The following TIAM1 variants were observed in gnomAD, a reference collection of about 807,000 sequenced individuals.
The protein encoded by TIAM1 is TIAM Rac1 associated GEF 1.
A neutral mutation model predicts 163.5 loss-of-function variants in TIAM1; 65 were observed. The observed-to-expected ratio is 0.40, with a 90% confidence interval of 0.33 to 0.49. TIAM1 has a LOEUF of 0.49. TIAM1 is among the 20% of genes least tolerant of loss of function. The probability of loss-of-function intolerance (pLI) is 0.77; values close to 1 mark genes in which losing one functional copy is unlikely to be tolerated. For synonymous variants in TIAM1, 833 were observed against 810.1 expected (o/e 1.03, Z -0.48); for missense variants, 1,789 against 2,044.7 (o/e 0.87, Z 2.41).
At chr21:31,402,217 A>C (rs77823472) in intron 2 of TIAM1, among the ~76,000 whole-genome samples, 1,554 of 152,112 alleles carry the variant, frequency 0.01, 24 homozygotes, top group African/African-American at 0.035. Flanking sequence ...GTCTCAAAAA[A>C]AACAACAACA....
intron 2 of TIAM1, among the ~76,000 whole-genome samples, chr21:31,314,991 GTATT>G (rs1430988736): frequency 6.6e-6 from 1 of 152,168 alleles, no homozygotes; most frequent in East Asian, 1.9e-4. Context: ...CAAGTTTCAC[GTATT>G]TATTTATTTA....
chr21:31,495,908 G>T (rs2046623732), intron 1 of TIAM1, among the ~76,000 whole-genome samples: 1 of 151,996 alleles, frequency 6.6e-6, no homozygotes, highest in South Asian at 2.1e-4. Context: ...GGGGTTGGAG[G>T]TTGCAGTGAG....
chr21:31,148,355 T>G (rs912541419), intron 19 of TIAM1, among the ~76,000 whole-genome samples: 1 of 152,202 alleles, frequency 6.6e-6, no homozygotes, highest in African/African-American at 2.4e-5. Flanking sequence ...GGAGATCTGA[T>G]GGTTTTTATA....
chr21:31,398,942 G>A (rs2147214287), intron 2 of TIAM1, among the ~76,000 whole-genome samples: 1 of 152,326 alleles, frequency 6.6e-6, no homozygotes, highest in East Asian at 1.9e-4. Context: ...TTGGGAGGCT[G>A]AGGCTGGCAG....
At chr21:31,337,002 A>T (rs2075862529) in intron 2 of TIAM1, among the ~76,000 whole-genome samples, 1 of 152,056 alleles carries the variant, frequency 6.6e-6, no homozygotes, top group African/African-American at 2.4e-5. Context: ...AATCCAAGCA[A>T]CCCACCCTGG....
At chr21:31,133,505 G>T (rs1370998770) in intron 23 of TIAM1, among the ~76,000 whole-genome samples, 1 of 152,184 alleles carries the variant, frequency 6.6e-6, no homozygotes, top group Non-Finnish European at 1.5e-5. Flanking sequence ...AGGAGGCAGG[G>T]AACAGAGTAA....
At chr21:31,484,186 G>A (rs1012968597) in intron 1 of TIAM1, among the ~76,000 whole-genome samples, 15 of 152,164 alleles carry the variant, frequency 9.9e-5, no homozygotes, top group Non-Finnish European at 2.2e-4. Context: ...CCAGAACTGT[G>A]TTGTTTACAT....
At chr21:31,292,772 G>T (rs541064834) in intron 2 of TIAM1, among the ~76,000 whole-genome samples, 1 of 151,786 alleles carries the variant, frequency 6.6e-6, no homozygotes, top group South Asian at 2.1e-4. Flanking sequence ...GGGTTCAAGT[G>T]ATTCTCATGC....
chr21:31,394,871 C>T (rs1357935360), intron 2 of TIAM1, among the ~76,000 whole-genome samples: 1 of 152,082 alleles, frequency 6.6e-6, no homozygotes, highest in East Asian at 1.9e-4. Context: ...TGCCCACAGC[C>T]TTGGTTTCTT....
Position 31,258,120 on chromosome 21 carries a change from G to A in TIAM1, c.964-5931C>T, listed in dbSNP as rs554702455. ...CCCTGTCTTTCTTCCACAGCACATC[G>A]CTTCCTTATTATGCTAACTGTTTTC... On this transcript the variant is annotated intron_variant, in intron 4 of 27. Transcript: ENST00000541036. 2.0e-4 allele frequency among the ~76,000 whole-genome samples: 30 copies of A among 150,748 alleles called. No individual in the cohort carries two copies. The East Asian group carries it at 2.5e-3, about 13-fold the overall frequency.
At chr21:31,157,754 G>A (rs1326698584) in intron 16 of TIAM1, among the ~76,000 whole-genome samples, 2 of 152,026 alleles carry the variant, frequency 1.3e-5, no homozygotes, top group African/African-American at 4.8e-5. Context: ...CAAATTCCAC[G>A]CAGACAGTGG....
chr21:31,382,148 G>A (rs185584330), intron 2 of TIAM1, among the ~76,000 whole-genome samples: 6 of 152,290 alleles, frequency 3.9e-5, no homozygotes, highest in African/African-American at 1.2e-4. Flanking sequence ...GGGAAGGAAA[G>A]GAACAAAATG....
chr21:31,523,811 G>A (rs770361038), intron 1 of TIAM1, among the ~76,000 whole-genome samples: 3 of 151,904 alleles, frequency 2.0e-5, no homozygotes, highest in African/African-American at 4.8e-5. Context: ...TCAGCTACCC[G>A]GGAGGCTAAG....
chr21:31,286,107 G>A (rs2073798951), intron 2 of TIAM1, among the ~76,000 whole-genome samples: 1 of 152,114 alleles, frequency 6.6e-6, no homozygotes, highest in South Asian at 2.1e-4. Flanking sequence ...AATTGTAATA[G>A]GATCCTGTGT....
rs1252599556 is a variant in TIAM1 at position 31,251,893 on chromosome 21, C to T, written c.1260G>A (p.Pro420=). ...DEQSSGTLSS[P]GQSDILLTAA... ...CGGTCAGCAGGATGTCCGACTGGCC[C>T]GGAGAGCTCAGGGTGCCGCTGCTCT... is the stretch of plus-strand genomic sequence containing the variant. The change falls in exon 5 of 28, where the codon CCG becomes CCA. Residue 420 remains proline, a synonymous_variant. Transcript: ENST00000541036. The T allele has an allele frequency of 1.9e-6, 3 of 1,613,698 alleles. No individual in the cohort carries two copies. The highest frequency in any genetic ancestry group is 2.5e-6 in the Non-Finnish European group (3 of 1,179,918).
chr21:31,455,416 A>ATT (rs35317787), intron 2 of TIAM1, among the ~76,000 whole-genome samples: 20 of 147,442 alleles, frequency 1.4e-4, no homozygotes, highest in Admixed American at 4.7e-4. Context: ...TTTAATTTTA[A>ATT]TTTTTTTTTT....
intron 5 of TIAM1, among the ~76,000 whole-genome samples, chr21:31,250,990 A>G (rs1036506253): frequency 9.2e-5 from 14 of 152,238 alleles, no homozygotes; most frequent in Non-Finnish European, 1.9e-4. Flanking sequence ...TTTTTCATAA[A>G]CATGATGGTC....
chr21:31,524,264 G>A (rs2047704731), intron 1 of TIAM1, among the ~76,000 whole-genome samples: 2 of 152,150 alleles, frequency 1.3e-5, no homozygotes, highest in African/African-American at 4.8e-5. Context: ...TACTCATGGT[G>A]CAAGGTGAAG....
intron 1 of TIAM1, among the ~76,000 whole-genome samples, chr21:31,517,325 G>A (rs1456408517): frequency 3.3e-5 from 5 of 152,116 alleles, no homozygotes; most frequent in Non-Finnish European, 7.4e-5. Context: ...CTTGAGGCCA[G>A]GAGTTCAAGA....
Sources: allele counts gnomAD v4.1 joint callset (sites outside exome capture counted in the v4.1 genomes callset), GRCh38; gene constraint gnomAD v4.1.1; transcripts MANE v1.5; gene names NCBI Gene and HGNC (gene_info 2026-07-23, HGNC 2026-07-21).